Variants in IFT81 observed in about 807,000 individuals in gnomAD.
IFT81 encodes intraflagellar transport 81, also known as intraflagellar transport protein 81 homolog.
IFT81 carries 72 observed loss-of-function variants against 102.6 expected under a neutral mutation model. The ratio of observed to expected loss-of-function variants is 0.70; its 90% CI spans 0.58 to 0.85. The LOEUF (loss-of-function observed/expected upper bound fraction) is 0.85, where lower values mean the gene tolerates loss of function less well. IFT81 is among the 40% of genes least tolerant of loss of function. The pLI, the probability that IFT81 is intolerant of heterozygous loss-of-function variation, is 0.00. For synonymous variants in IFT81, 237 were observed against 242.7 expected (o/e 0.98, Z 0.22); for missense variants, 723 against 787.3 (o/e 0.92, Z 0.98).
chr12:110,211,561 A>G (rs1005384751), intron 18 of IFT81, among the ~76,000 whole-genome samples: 20 of 151,970 alleles, frequency 1.3e-4, no homozygotes, highest in African/African-American at 4.6e-4. Context: ...TTTTTTATCT[A>G]CTGTAGAAAA....
At chr12:110,191,165 C>CAT in intron 13 of IFT81, 117 bp downstream of exon 13, 1 of 798,190 alleles carries the variant, frequency 1.3e-6, no homozygotes, top group East Asian at 3.1e-5. Context: ...TACATTCTTT[C>CAT]ATCTTTTTTT....
At chr12:110,194,077 G>A (rs1056176690) in intron 14 of IFT81, among the ~76,000 whole-genome samples, 7 of 151,992 alleles carry the variant, frequency 4.6e-5, no homozygotes, top group Admixed American at 1.3e-4. Context: ...TTTAAACAAC[G>A]AGATCTTATG....
chr12:110,217,344 C>A (rs1468482545), intron 18 of IFT81, among the ~76,000 whole-genome samples: 2 of 152,002 alleles, frequency 1.3e-5, no homozygotes, highest in Non-Finnish European at 2.9e-5. Flanking sequence ...CATGCCTGGT[C>A]TATTAACCTT....
intron 8 of IFT81, among the ~76,000 whole-genome samples, chr12:110,141,128 G>A (rs774294245): frequency 4.0e-5 from 6 of 151,856 alleles, no homozygotes; most frequent in Admixed American, 2.0e-4. Flanking sequence ...GGGTTCAAAC[G>A]AATCTCCTAC....
intron 10 of IFT81, among the ~76,000 whole-genome samples, chr12:110,160,981 A>T (rs1896099153): frequency 6.6e-6 from 1 of 151,946 alleles, no homozygotes; most frequent in Non-Finnish European, 1.5e-5. Flanking sequence ...CTTGTTCCTG[A>T]GTTTAGTGGG....
chr12:110,215,261 C>G (rs1869929984), intron 18 of IFT81, among the ~76,000 whole-genome samples: 1 of 151,712 alleles, frequency 6.6e-6, no homozygotes, highest in Non-Finnish European at 1.5e-5. Context: ...GCCTCTGTGT[C>G]TCTGCTTGCT....
intron 11 of IFT81, among the ~76,000 whole-genome samples, chr12:110,179,021 A>G (rs1243744118): frequency 3.3e-5 from 5 of 151,912 alleles, no homozygotes; most frequent in African/African-American, 1.2e-4. Flanking sequence ...TTTTTCCATT[A>G]TTAGTTATAA....
chr12:110,165,677 G>A (rs747581787), intron 11 of IFT81, among the ~76,000 whole-genome samples: 11 of 152,172 alleles, frequency 7.2e-5, no homozygotes, highest in Non-Finnish European at 1.3e-4. Flanking sequence ...TGTCACAGTT[G>A]AGTGATGCTC....
intron 7 of IFT81, among the ~76,000 whole-genome samples, chr12:110,135,823 C>T (rs1484939905): frequency 5.4e-5 from 8 of 147,192 alleles, no homozygotes; most frequent in Non-Finnish European, 1.0e-4. Context: ...GCTGAGATCA[C>T]GCCACCACAC....
At chr12:110,184,354 A>T (rs1053934803) in intron 12 of IFT81, among the ~76,000 whole-genome samples, 5 of 152,158 alleles carry the variant, frequency 3.3e-5, no homozygotes, top group Admixed American at 2.0e-4. Flanking sequence ...CATCTCAAAA[A>T]AAATAAATAA....
chr12:110,216,392 A>G (rs1639551702), intron 18 of IFT81: 12 of 408,876 alleles, frequency 2.9e-5, no homozygotes, highest in South Asian at 2.0e-4. Context: ...GAGACAGAGT[A>G]TCATGTTACC....
rs563110906 is a variant in IFT81, at chr12:110,144,364, G to A, written c.945+819G>A. ...CCTGAGTAGCTGGGATTACAGGCAC[G>A]CGCCACCACGCCTGGCTAATTTTTG... On this transcript the variant is annotated intron_variant, in intron 9 of 18. Coordinates refer to ENST00000242591, the MANE Select transcript of IFT81 (RefSeq NM_014055.4). Among the ~76,000 whole-genome samples the A allele has an allele frequency of 2.4e-3, 367 of 151,630 alleles. 2 individuals carry two copies. Among genetic ancestry groups the A allele is most frequent in the Non-Finnish European group, 3.8e-3 (255 of 67,886 alleles).
chr12:110,157,990 C>A (rs369284496), intron 10 of IFT81, among the ~76,000 whole-genome samples: 33 of 152,202 alleles, frequency 2.2e-4, no homozygotes, highest in African/African-American at 7.9e-4. Context: ...GTTTTAAAGT[C>A]TTTATCTAGT....
At chr12:110,136,913 C>A in intron 8 of IFT81, 53 bp downstream of exon 8, 2 of 1,078,736 alleles carry the variant, frequency 1.9e-6, no homozygotes, top group Non-Finnish European at 1.4e-6. Context: ...TAATTTAAAT[C>A]ACGATCTTCC....
At chr12:110,146,018 G>T (rs953145711) in intron 9 of IFT81, among the ~76,000 whole-genome samples, 1 of 151,134 alleles carries the variant, frequency 6.6e-6, no homozygotes, top group African/African-American at 2.4e-5. Flanking sequence ...CACCATGTTG[G>T]CCAGGCTGGT....
chr12:110,128,506 G>C (rs1005723328), intron 3 of IFT81, among the ~76,000 whole-genome samples: 4 of 151,206 alleles, frequency 2.6e-5, no homozygotes, highest in Non-Finnish European at 5.9e-5. Context: ...GAATAGCCTT[G>C]GGGCCAGGCA....
chr12:110,132,712 A>G (rs1894244264), intron 5 of IFT81, 76 bp downstream of exon 5: 7 of 752,702 alleles, frequency 9.3e-6, no homozygotes, highest in South Asian at 7.7e-5. Flanking sequence ...TTAATTCAGT[A>G]TGAGTCTTAA....
chr12:110,159,973 A>G (rs973150963), intron 10 of IFT81, among the ~76,000 whole-genome samples: 1 of 152,194 alleles, frequency 6.6e-6, no homozygotes, highest in African/African-American at 2.4e-5. Context: ...AATCTGTGTG[A>G]TGTAATTATT....
intron 11 of IFT81, among the ~76,000 whole-genome samples, chr12:110,171,532 A>T (rs1475965996): frequency 6.6e-6 from 1 of 152,200 alleles, no homozygotes; most frequent in Non-Finnish European, 1.5e-5. Context: ...AGATAATTAC[A>T]TTGCTTATGC....
Sources: allele counts gnomAD v4.1 joint callset (sites outside exome capture counted in the v4.1 genomes callset), GRCh38; gene constraint gnomAD v4.1.1; transcripts MANE v1.5; gene names NCBI Gene and HGNC (gene_info 2026-07-23, HGNC 2026-07-21).